SPATA16: variants seen among roughly 807,000 people sequenced by gnomAD.
The protein encoded by SPATA16 is spermatogenesis associated 16.
In SPATA16, 36 loss-of-function variants were observed where a neutral mutation model predicts 63.3. The ratio of observed to expected loss-of-function variants is 0.57; its 90% CI spans 0.44 to 0.75. SPATA16 has a LOEUF of 0.75. SPATA16 is among the 30% of genes least tolerant of loss of function. The pLI is 0.00. For synonymous variants in SPATA16, 203 were observed against 216.7 expected, an observed-to-expected ratio of 0.94 and a Z score of 0.56; for missense variants, 646 against 679.3, an observed-to-expected ratio of 0.95 and a Z score of 0.54.
chr3:173,076,085 C>G (rs988118780), intron 2 of SPATA16, among the ~76,000 whole-genome samples: 4 of 151,834 alleles, frequency 2.6e-5, no homozygotes, highest in Admixed American at 2.0e-4. Flanking sequence ...AAAAAGTAAA[C>G]AAGAAGGAAG....
At chr3:172,912,177 C>G (rs1732383727) in intron 10 of SPATA16, among the ~76,000 whole-genome samples, 1 of 152,192 alleles carries the variant, frequency 6.6e-6, no homozygotes, top group African/African-American at 2.4e-5. Context: ...AAAACCACTA[C>G]ACATTCTTTA....
rs190853544 is a variant in SPATA16 at position 172,968,887 on chromosome 3, T to C, written c.933+8081A>G. On this transcript the variant is annotated intron_variant, in intron 5 of 10. Coordinates refer to ENST00000351008, the MANE Select transcript of SPATA16 (RefSeq NM_031955.6). The stretch of plus-strand genomic sequence containing the variant: ...TGGAAACATATCATTAAAGAATGTA[T>C]AAACAGGAATGAATAATTAGATGAG... 1.9e-3 allele frequency among the ~76,000 whole-genome samples: 290 copies of C among 152,316 alleles called. 1 individual carries two copies. Among genetic ancestry groups the C allele is most frequent in the Non-Finnish European group, 3.3e-3 (227 of 68,038 alleles).
rs1251855681 is a variant in SPATA16, at chr3:172,977,065, A to G, written c.849-13T>C. 6.2e-6 allele frequency: 10 copies of G among 1,605,704 alleles called. No individual in the cohort carries two copies. The highest frequency in any genetic ancestry group is 7.6e-6 in the Non-Finnish European group (9 of 1,177,574). ...AATCATGGCACTCCTAAGAACAAGG[A>G]CAGATTAAAAAAAAAACAAAAACAA... On this transcript the variant is annotated splice_polypyrimidine_tract_variant and intron_variant, in intron 4 of 10. Coordinates refer to ENST00000351008, the MANE Select transcript of SPATA16 (RefSeq NM_031955.6).
intron 6 of SPATA16, among the ~76,000 whole-genome samples, chr3:172,927,021 T>A (rs1489481033): frequency 6.6e-6 from 1 of 152,242 alleles, no homozygotes; most frequent in Non-Finnish European, 1.5e-5. Flanking sequence ...CCTTCACTAT[T>A]TGTCTGTAAT....
intron 2 of SPATA16, 123 bp downstream of exon 2, chr3:173,116,997 T>C: frequency 9.8e-7 from 1 of 1,020,988 alleles, no homozygotes; most frequent in Non-Finnish European, 1.5e-6. Flanking sequence ...AATCCTAATA[T>C]CATTACATAT....
intron 2 of SPATA16, among the ~76,000 whole-genome samples, chr3:173,092,984 C>T (rs1434211606): frequency 1.3e-5 from 2 of 151,460 alleles, no homozygotes; most frequent in Non-Finnish European, 2.9e-5. Context: ...CTTTTTGTAG[C>T]ACTTTCCACA....
At chr3:173,062,044 ATTTTTTTTTTTT>A (rs10618031) in intron 2 of SPATA16, among the ~76,000 whole-genome samples, 1 of 115,536 alleles carries the variant, frequency 8.7e-6, no homozygotes, top group Non-Finnish European at 1.7e-5. Flanking sequence ...GTGCTTCAAC[ATTTTTTTTTTTT>A]TTTTTTTTTT....
At chr3:172,983,176 G>A (rs1734360434) in intron 4 of SPATA16, among the ~76,000 whole-genome samples, 1 of 152,162 alleles carries the variant, frequency 6.6e-6, no homozygotes, top group African/African-American at 2.4e-5. Flanking sequence ...TTAGTCTGCT[G>A]GCTTTAGTTC....
At chr3:172,936,690 AT>A (rs1733002622) in intron 6 of SPATA16, among the ~76,000 whole-genome samples, 1 of 151,870 alleles carries the variant, frequency 6.6e-6, no homozygotes, top group Non-Finnish European at 1.5e-5. Context: ...GACTTTATTT[AT>A]TTATTTACTT....
At chr3:173,128,927 G>A (rs553406658) in intron 1 of SPATA16, among the ~76,000 whole-genome samples, 2 of 152,368 alleles carry the variant, frequency 1.3e-5, no homozygotes, top group South Asian at 4.1e-4. Context: ...ATTTTGCTTA[G>A]GTAACACTGG....
chr3:173,024,745 T>C (rs2108279849), intron 3 of SPATA16, among the ~76,000 whole-genome samples: 1 of 150,964 alleles, frequency 6.6e-6, no homozygotes. Context: ...TAGGTTTAGC[T>C]ATTAATTCTA....
intron 10 of SPATA16, among the ~76,000 whole-genome samples, chr3:172,911,832 C>T (rs1732377596): frequency 6.6e-6 from 1 of 152,208 alleles, no homozygotes; most frequent in Admixed American, 6.5e-5. Flanking sequence ...GCTTTCTCTT[C>T]TTCTCTGTGC....
chr3:173,080,433 T>C (rs1388909929), intron 2 of SPATA16, among the ~76,000 whole-genome samples: 1 of 147,734 alleles, frequency 6.8e-6, no homozygotes, highest in African/African-American at 2.6e-5. Flanking sequence ...AACGCCACAA[T>C]GCTGGGTGAA....
rs1165709972 is a variant in SPATA16 at position 172,978,120 on chromosome 3, GCTCTCTCTCTCTCTCTCCCTCTCTCT to G, written c.849-1094_849-1069del. Among the ~76,000 whole-genome samples the G allele has an allele frequency of 2.9e-3, 415 of 145,600 alleles. 3 individuals are homozygous for G. The highest frequency in any genetic ancestry group is 9.8e-3 in the African/African-American group (386 of 39,418). On this transcript the variant is annotated intron_variant, in intron 4 of 10. Coordinates refer to ENST00000351008, the MANE Select transcript of SPATA16 (RefSeq NM_031955.6). ...ATACCACCAACTGGAGGATTATTCA[GCTCTCTCTCTCTCTCTCCCTCTCTCT>G]CTCTCTCTCTCTCTCTATATATATA...
chr3:172,900,254 C>A (rs1213184628), intron 10 of SPATA16, among the ~76,000 whole-genome samples: 1 of 152,124 alleles, frequency 6.6e-6, no homozygotes, highest in Non-Finnish European at 1.5e-5. Flanking sequence ...TTACTACTGG[C>A]CTCCATAGTT....
At position 172,956,736 on chromosome 3, in the gene SPATA16, T is replaced by C. The variant is rs1733604604; in HGVS notation, c.1022A>G (p.Glu341Gly). 2.5e-6 allele frequency: 4 copies of C among 1,613,254 alleles called. No individual in the cohort carries two copies. Among genetic ancestry groups the C allele is most frequent in the Non-Finnish European group, 2.5e-6 (3 of 1,179,538 alleles). The stretch of plus-strand genomic sequence containing the variant: ...TTTTGTGAAAGCATCTTTTACTTTT[T>C]CTATTTTATCAGCTCTTATTTTTGT... ...FATKIRADKI[E>G]KVKDAFTKTH... is the part of the protein sequence containing the mutation. The change falls in exon 6 of 11, where the codon GAA becomes GGA. Residue 341 changes from glutamate to glycine, a missense_variant. By Grantham distance (98) the Glu-to-Gly change is moderately conservative. Coordinates refer to ENST00000351008, the MANE Select transcript of SPATA16 (RefSeq NM_031955.6).
intron 2 of SPATA16, among the ~76,000 whole-genome samples, chr3:173,097,640 C>G (rs938858229): frequency 3.9e-5 from 6 of 152,092 alleles, no homozygotes; most frequent in Non-Finnish European, 5.9e-5. Flanking sequence ...AAGACTTTAG[C>G]AAGGGATTTC....
At chr3:173,073,283 G>T (rs112293966) in intron 2 of SPATA16, among the ~76,000 whole-genome samples, 3,109 of 152,350 alleles carry the variant, frequency 0.02, 118 homozygotes, top group African/African-American at 0.072. Context: ...GCTGCCTGCA[G>T]AAATTTGCAT....
chr3:172,916,266 T>G (rs745658773), intron 9 of SPATA16, 51 bp downstream of exon 9: 1 of 1,589,216 alleles, frequency 6.3e-7, no homozygotes, highest in Non-Finnish European at 8.6e-7. Context: ...CCATATCACT[T>G]TTCTGTTGGC....
Sources: gnomAD v4.1 joint callset for allele counts (sites outside exome capture counted in the v4.1 genomes callset) on GRCh38, gnomAD v4.1.1 for gene constraint, MANE v1.5 for transcripts, NCBI Gene and HGNC (gene_info 2026-07-23, HGNC 2026-07-21) for gene names.